PABPC4L: variants seen among roughly 807,000 people sequenced by gnomAD.
PABPC4L encodes the protein poly(A) binding protein cytoplasmic 4 like, also known as polyadenylate-binding protein 4-like.
For synonymous variants in PABPC4L, 169 were observed against 164.1 expected, an observed-to-expected ratio of 1.03 and a Z score of -0.23; for missense variants, 452 against 451.4, an observed-to-expected ratio of 1.00 and a Z score of -0.01.
chr4:134,103,550 A>G, the PABPC4L span, among the ~76,000 whole-genome samples: 3 of 151,640 alleles, frequency 2.0e-5, no homozygotes, highest in African/African-American at 7.3e-5. Context: ...TGATTAGGGC[A>G]TATCCATATG....
the PABPC4L span, among the ~76,000 whole-genome samples, chr4:134,040,798 A>G: frequency 6.6e-6 from 1 of 152,160 alleles, no homozygotes; most frequent in Non-Finnish European, 1.5e-5. Flanking sequence ...CAACCTACAG[A>G]ATGGGAGAAA....
At chr4:133,957,267 C>T in the PABPC4L span, among the ~76,000 whole-genome samples, 2 of 152,066 alleles carry the variant, frequency 1.3e-5, no homozygotes, top group South Asian at 2.1e-4. Flanking sequence ...GAGAAATGGG[C>T]CCAAAGGGTC....
the PABPC4L span, among the ~76,000 whole-genome samples, chr4:133,953,631 G>A: frequency 6.6e-6 from 1 of 152,026 alleles, no homozygotes; most frequent in Non-Finnish European, 1.5e-5. Flanking sequence ...TCCTAGAAGT[G>A]GACTCTTGAA....
chr4:133,993,419 T>G, the PABPC4L span, among the ~76,000 whole-genome samples: 1 of 152,116 alleles, frequency 6.6e-6, no homozygotes, highest in Non-Finnish European at 1.5e-5. Flanking sequence ...CCCCATAAAT[T>G]CAAAAGTTGA....
At chr4:134,068,408 G>T in the PABPC4L span, among the ~76,000 whole-genome samples, 1 of 152,048 alleles carries the variant, frequency 6.6e-6, no homozygotes, top group Non-Finnish European at 1.5e-5. Flanking sequence ...TGAGCCTGTT[G>T]GTGTCGTTGC....
At chr4:133,958,929 G>A in the PABPC4L span, among the ~76,000 whole-genome samples, 11 of 152,260 alleles carry the variant, frequency 7.2e-5, no homozygotes, top group African/African-American at 2.6e-4. Context: ...ACCTTGCTAA[G>A]TTCTCCCAGT....
chr4:133,969,197 T>C, the PABPC4L span, among the ~76,000 whole-genome samples: 2 of 152,248 alleles, frequency 1.3e-5, no homozygotes, highest in African/African-American at 4.8e-5. Flanking sequence ...TTGTGCATGT[T>C]TCTCTATGAA....
the PABPC4L span, among the ~76,000 whole-genome samples, chr4:134,160,868 A>AAT: frequency 1.3e-5 from 2 of 152,014 alleles, no homozygotes; most frequent in Non-Finnish European, 2.9e-5. Flanking sequence ...AAATCAAAAA[A>AAT]ATATATAAAG....
chr4:133,966,685 T>C, the PABPC4L span, among the ~76,000 whole-genome samples: 4 of 152,170 alleles, frequency 2.6e-5, no homozygotes, highest in East Asian at 7.7e-4. Context: ...GAGACTATTA[T>C]TCTAAGTGAA....
At chr4:134,100,616 A>G in the PABPC4L span, among the ~76,000 whole-genome samples, 1 of 151,526 alleles carries the variant, frequency 6.6e-6, no homozygotes, top group Admixed American at 6.6e-5. Context: ...ATTTTTTACT[A>G]CCTCTCTATG....
At chr4:134,108,365 TTA>T in the PABPC4L span, among the ~76,000 whole-genome samples, 1 of 151,844 alleles carries the variant, frequency 6.6e-6, no homozygotes, top group African/African-American at 2.4e-5. Flanking sequence ...GCTCTTTTAT[TTA>T]TGTTTGACAC....
At chr4:134,098,932 G>A in the PABPC4L span, among the ~76,000 whole-genome samples, 1 of 151,644 alleles carries the variant, frequency 6.6e-6, no homozygotes, top group Non-Finnish European at 1.5e-5. Context: ...AGTTCAGTAC[G>A]TGGAGCTTTT....
chr4:134,200,419 T>C lies in PABPC4L; in HGVS notation c.601A>G (p.Met201Val), dbSNP rs1256043765. ...ACGTCCTTCAATCTCTCATCATCCA[T>C]GTCACCTCCAAAGTTTTTTATGTAA... ...NVYIKNFGGD[M>V]DDERLKDVFS... is the part of the protein sequence containing the mutation. Residue 201 changes from methionine to valine, a missense_variant, in exon 2 of 2, where the codon ATG (methionine) becomes GTG (valine). Physicochemically the swap from Met to Val is conservative, Grantham distance 21 (BLOSUM62 1). Transcript: ENST00000421491. 3.9e-6 allele frequency: 6 copies of C among 1,554,658 alleles called. No individual in the cohort carries two copies. The highest frequency in any genetic ancestry group is 1.4e-5 in the African/African-American group (1 of 73,102).
the PABPC4L span, among the ~76,000 whole-genome samples, chr4:134,022,224 T>C: frequency 6.6e-6 from 1 of 152,180 alleles, no homozygotes; most frequent in South Asian, 2.1e-4. Flanking sequence ...CCAGTTTTAA[T>C]ACTGTTTGCC....
At chr4:134,121,428 T>C in the PABPC4L span, among the ~76,000 whole-genome samples, 2 of 151,728 alleles carry the variant, frequency 1.3e-5, no homozygotes, top group South Asian at 4.1e-4. Context: ...ATACAATTTT[T>C]AATAGAAATT....
rs1221275465 is a variant in PABPC4L, at chr4:134,197,603, A to G, written c.*2304T>C. The G allele has an allele frequency of 6.6e-6, 1 of 151,768 alleles. No individual in the cohort carries two copies. Among genetic ancestry groups the G allele is most frequent in the Non-Finnish European group, 1.5e-5 (1 of 67,672 alleles). The allele number at this position is 151,768 out of a possible 1,614,324, so 9.4% of individuals were successfully genotyped here. On this transcript the variant is annotated 3_prime_UTR_variant, in exon 2 of 2. Transcript: ENST00000421491. ...AATATGCAAAGAAATCTAAAAATCC[A>G]TGTAAATAAAAAACACCCCAACAGG...
At chr4:133,963,101 C>T in the PABPC4L span, among the ~76,000 whole-genome samples, 1 of 152,098 alleles carries the variant, frequency 6.6e-6, no homozygotes, top group Non-Finnish European at 1.5e-5. Context: ...AGAGACTCAT[C>T]TAACACATAA....
At chr4:134,155,169 T>A in the PABPC4L span, among the ~76,000 whole-genome samples, 1 of 152,102 alleles carries the variant, frequency 6.6e-6, no homozygotes, top group Non-Finnish European at 1.5e-5. Context: ...AATCTCCATA[T>A]AATTTATCCA....
At chr4:133,987,568 A>G in the PABPC4L span, among the ~76,000 whole-genome samples, 1 of 152,144 alleles carries the variant, frequency 6.6e-6, no homozygotes, top group Non-Finnish European at 1.5e-5. Flanking sequence ...ATCTACAAAC[A>G]TACTACCCAT....
Sources: allele counts gnomAD v4.1 joint callset (sites outside exome capture counted in the v4.1 genomes callset), GRCh38; gene constraint gnomAD v4.1.1; transcripts MANE v1.5; gene names NCBI Gene and HGNC (gene_info 2026-07-23, HGNC 2026-07-21).